Variants in ROBO2 observed in about 807,000 individuals in gnomAD.
ROBO2 encodes roundabout homolog 2.
ROBO2 carries 53 observed loss-of-function variants against 160.8 expected under a neutral mutation model. That is an observed-to-expected ratio of 0.33 (90% confidence interval 0.26 to 0.41). The LOEUF is 0.41. Among genes scored for constraint, ROBO2 ranks in the 10% least tolerant of loss-of-function variants. The pLI is 1.00. For synonymous variants in ROBO2, 664 were observed against 611.7 expected (o/e 1.09, Z -1.26); for missense variants, 1,577 against 1,722.4 (o/e 0.92, Z 1.49).
chr3:76,928,661 A>G (rs987775351), intron 2 of ROBO2, among the ~76,000 whole-genome samples: 6 of 151,988 alleles, frequency 3.9e-5, no homozygotes, highest in Non-Finnish European at 8.8e-5. Context: ...CAATTCTACC[A>G]ACTCACACTT....
intron 2 of ROBO2, among the ~76,000 whole-genome samples, chr3:76,270,972 C>G (rs575532814): frequency 1.3e-5 from 2 of 152,174 alleles, no homozygotes; most frequent in East Asian, 3.9e-4. Context: ...CATGCTGAAT[C>G]AAGGATGTAC....
At chr3:76,957,417 G>A (rs2079349153) in intron 2 of ROBO2, among the ~76,000 whole-genome samples, 1 of 152,022 alleles carries the variant, frequency 6.6e-6, no homozygotes, top group African/African-American at 2.4e-5. Flanking sequence ...TATTTCTTTA[G>A]CATTTAGATT....
At chr3:76,141,040 C>G in intron 2 of ROBO2, among the ~76,000 whole-genome samples, 1 of 59,664 alleles carries the variant, frequency 1.7e-5, no homozygotes, top group Admixed American at 1.8e-4. Context: ...CACACACACA[C>G]ACAGATGTCT....
chr3:76,092,541 A>G (rs67004030), intron 2 of ROBO2, among the ~76,000 whole-genome samples: 27,959 of 152,032 alleles, frequency 0.18, 2,663 homozygotes, highest in Middle Eastern at 0.2. Context: ...TTTCCTCTCA[A>G]TACATCCATC....
intron 2 of ROBO2, among the ~76,000 whole-genome samples, chr3:76,207,943 C>G (rs1294651387): frequency 1.3e-5 from 2 of 152,088 alleles, no homozygotes; most frequent in Non-Finnish European, 1.5e-5. Flanking sequence ...GGTTTAACAC[C>G]AGCACCTTCA....
chr3:76,252,421 G>A (rs2107558636), intron 2 of ROBO2, among the ~76,000 whole-genome samples: 1 of 152,174 alleles, frequency 6.6e-6, no homozygotes, highest in African/African-American at 2.4e-5. Context: ...TAGGGAGACA[G>A]CCACCACTGT....
chr3:76,076,336 A>C (rs1489778294), intron 2 of ROBO2, among the ~76,000 whole-genome samples: 1 of 152,214 alleles, frequency 6.6e-6, no homozygotes. Context: ...CAACTGTTTT[A>C]GTCTTAAGAC....
chr3:76,949,130 C>T (rs138340859), intron 2 of ROBO2, among the ~76,000 whole-genome samples: 2 of 151,318 alleles, frequency 1.3e-5, no homozygotes, highest in East Asian at 1.9e-4. Flanking sequence ...CTTGTATTCC[C>T]CTAAATATTA....
chr3:77,641,105 A>G (rs1183207642), intron 24 of ROBO2, among the ~76,000 whole-genome samples: 1 of 152,250 alleles, frequency 6.6e-6, no homozygotes, highest in Non-Finnish European at 1.5e-5. Context: ...GAAGGAAGTC[A>G]GTACTATCGA....
intron 2 of ROBO2, among the ~76,000 whole-genome samples, chr3:77,000,083 C>T (rs1376995876): frequency 6.6e-6 from 1 of 151,990 alleles, no homozygotes; most frequent in Non-Finnish European, 1.5e-5. Flanking sequence ...GTCGAGATGA[C>T]CTGATTAATG....
chr3:76,939,178 G>A (rs551153005), intron 2 of ROBO2, among the ~76,000 whole-genome samples: 2 of 152,208 alleles, frequency 1.3e-5, no homozygotes, highest in Admixed American at 1.3e-4. Flanking sequence ...ATGAAGAAGA[G>A]AAAGGAATTG....
intron 2 of ROBO2, among the ~76,000 whole-genome samples, chr3:76,535,995 A>G (rs1269375545): frequency 6.6e-6 from 1 of 152,096 alleles, no homozygotes; most frequent in South Asian, 2.1e-4. Flanking sequence ...AGTGGCTGCA[A>G]TATTAGTTGG....
intron 2 of ROBO2, among the ~76,000 whole-genome samples, chr3:77,210,358 A>G (rs2083968846): frequency 6.6e-6 from 1 of 152,120 alleles, no homozygotes; most frequent in African/African-American, 2.4e-5. Context: ...TAATTAATTT[A>G]AAACATTACA....
At chr3:77,268,886 A>C (rs910576281) in intron 2 of ROBO2, among the ~76,000 whole-genome samples, 1 of 152,206 alleles carries the variant, frequency 6.6e-6, no homozygotes, top group East Asian at 1.9e-4. Flanking sequence ...GCCCATCTGT[A>C]GAAATAGTTG....
chr3:76,724,501 C>T (rs1403255165), intron 2 of ROBO2, among the ~76,000 whole-genome samples: 1 of 152,202 alleles, frequency 6.6e-6, no homozygotes, highest in Admixed American at 6.5e-5. Flanking sequence ...CTAGTCAGCT[C>T]TCTGCTCTAT....
intron 2 of ROBO2, among the ~76,000 whole-genome samples, chr3:76,594,367 A>C (rs2086609576): frequency 6.6e-6 from 1 of 152,032 alleles, no homozygotes; most frequent in Non-Finnish European, 1.5e-5. Flanking sequence ...TTTAGATTTA[A>C]GTTATTATCA....
intron 2 of ROBO2, among the ~76,000 whole-genome samples, chr3:76,069,735 T>C (rs1021180319): frequency 6.6e-6 from 1 of 152,140 alleles, no homozygotes; most frequent in Non-Finnish European, 1.5e-5. Context: ...AAGAACACGT[T>C]CAGACACGTT....
chr3:76,129,315 C>G (rs1576977866), intron 2 of ROBO2, among the ~76,000 whole-genome samples: 1 of 152,132 alleles, frequency 6.6e-6, no homozygotes, highest in African/African-American at 2.4e-5. Flanking sequence ...ATTAAACTTT[C>G]ATTTTATAGA....
intron 9 of ROBO2, 84 bp from the exon 11 acceptor site, chr3:77,562,567 A>G: frequency 2.1e-6 from 2 of 941,690 alleles, no homozygotes; most frequent in South Asian, 2.8e-5. Flanking sequence ...ATTTTAAGAA[A>G]TTAAATATTG....
Sources: allele counts gnomAD v4.1 joint callset (sites outside exome capture counted in the v4.1 genomes callset), GRCh38; gene constraint gnomAD v4.1.1; transcripts MANE v1.5; gene names NCBI Gene and HGNC (gene_info 2026-07-23, HGNC 2026-07-21).